SNX25: variants seen among roughly 807,000 people sequenced by gnomAD.
The protein encoded by SNX25 is sorting nexin 25.
SNX25 carries 62 observed loss-of-function variants against 113.7 expected under a neutral mutation model. The observed-to-expected ratio is 0.55, with a 90% CI of 0.44 to 0.67. The LOEUF is 0.67. SNX25 is among the 30% of genes least tolerant of loss of function. SNX25 has a pLI of 0.00. For synonymous variants in SNX25, 421 were observed against 436.2 expected (o/e 0.97, Z 0.43); for missense variants, 1,014 against 1,161.0 (o/e 0.87, Z 1.84).
At chr4:185,350,285 C>G (rs2095308780) in intron 13 of SNX25, among the ~76,000 whole-genome samples, 1 of 152,200 alleles carries the variant, frequency 6.6e-6, no homozygotes, top group African/African-American at 2.4e-5. Context: ...GGAACTAGAC[C>G]TGAACTTCCA....
At chr4:185,327,524 C>T (rs2095164885) in intron 9 of SNX25, among the ~76,000 whole-genome samples, 1 of 152,146 alleles carries the variant, frequency 6.6e-6, no homozygotes, top group African/African-American at 2.4e-5. Flanking sequence ...CAAGAATTTA[C>T]CATATAAGAT....
intron 9 of SNX25, among the ~76,000 whole-genome samples, chr4:185,324,492 C>A (rs1034251111): frequency 6.6e-6 from 1 of 151,168 alleles, no homozygotes; most frequent in Admixed American, 6.7e-5. Context: ...TGGAATGTTT[C>A]TGTGTGGAGG....
chr4:185,207,210 CTTTTT>C (rs34373262), upstream of SNX25, among the ~76,000 whole-genome samples: 2 of 76,814 alleles, frequency 2.6e-5, no homozygotes, highest in Admixed American at 1.8e-4. Flanking sequence ...ACCAGTCACA[CTTTTT>C]TTTTTTTTTT....
intron 8 of SNX25, among the ~76,000 whole-genome samples, chr4:185,322,090 CAT>C (rs528564412): frequency 2.8e-4 from 43 of 152,204 alleles, no homozygotes; most frequent in South Asian, 2.3e-3. Context: ...ATATCTATAA[CAT>C]GTGACATATG....
downstream of SNX25, among the ~76,000 whole-genome samples, chr4:185,368,272 T>A (rs973286872): frequency 2.0e-5 from 3 of 152,210 alleles, no homozygotes; most frequent in Non-Finnish European, 2.9e-5. Flanking sequence ...TAATGCTGGT[T>A]TCACAGAAAC....
rs1737533772 is a variant in SNX25, at chr4:185,210,313, G to A, written c.429+58G>A. On this transcript the variant is annotated intron_variant, in intron 1 of 18. Transcript: ENST00000652585. The surrounding 1 kb of genome is among the most constrained non-coding windows in gnomAD (Gnocchi z 4.4). ...CCGGCCCTCCCCGCTTCCGGTGCCA[G>A]CTCCCGCGCCCCGAGCTCCGGGGGG... 64 of 984,536 alleles carry A rather than the reference G, an allele frequency of 6.5e-5. No individual in the cohort carries two copies. The highest frequency in any genetic ancestry group is 7.5e-5 in the Non-Finnish European group (62 of 829,748). 61.0% of individuals were successfully genotyped at this position (984,536 alleles called of 1,614,324 possible). A position where few individuals can be genotyped will look rare whatever the true frequency, so the allele number is the denominator to read the frequency against.
chr4:185,286,217 T>C (rs562548494), intron 5 of SNX25, among the ~76,000 whole-genome samples: 12 of 152,078 alleles, frequency 7.9e-5, no homozygotes, highest in Admixed American at 3.3e-4. Context: ...CTGGGTTCAA[T>C]TGATCCTTCT....
At chr4:185,357,645 A>C in intron 15 of SNX25, 26 bp from the exon 16 acceptor site, 2 of 1,601,500 alleles carry the variant, frequency 1.2e-6, no homozygotes, top group African/African-American at 1.3e-5. Flanking sequence ...CTGTGATAAA[A>C]AGTTTTCCTC....
At chr4:185,370,713 TAGA>T (rs748373299), downstream of SNX25, 1 of 1,614,088 alleles carries the variant, frequency 6.2e-7, no homozygotes, top group Non-Finnish European at 8.5e-7. Context: ...CCTTGCGTGG[TAGA>T]AGGATGCCAT....
chr4:185,323,434 T>A, intron 8 of SNX25, 94 bp from the exon 9 acceptor site: 1 of 1,287,250 alleles, frequency 7.8e-7, no homozygotes, highest in Non-Finnish European at 1.1e-6. Flanking sequence ...CTTAAATGTC[T>A]TTCTTCTGAC....
At chr4:185,212,531 C>T (rs1377537425) in intron 1 of SNX25, among the ~76,000 whole-genome samples, 10 of 129,874 alleles carry the variant, frequency 7.7e-5, no homozygotes, top group African/African-American at 1.7e-4. Flanking sequence ...TCTGCTCTGT[C>T]GTGCAAGCCA....
At chr4:185,253,276 C>T (rs575940301) in intron 2 of SNX25, among the ~76,000 whole-genome samples, 112 of 152,054 alleles carry the variant, frequency 7.4e-4, no homozygotes, top group Middle Eastern at 3.4e-3. Context: ...TTTTCAAGAC[C>T]TTGGGGATGC....
Position 185,332,820 on chromosome 4 carries a change from C to T in SNX25, c.1914+61C>T, listed in dbSNP as rs186238642. The T allele has an allele frequency of 7.8e-6, 12 of 1,533,168 alleles. No individual in the cohort carries two copies. The South Asian group carries it at 9.7e-5, about 12-fold the overall frequency. 95.0% of individuals were successfully genotyped at this position (1,533,168 alleles called of 1,614,324 possible). A position where few individuals can be genotyped will look rare whatever the true frequency, so the allele number is the denominator to read the frequency against. On this transcript the variant is annotated intron_variant, in intron 10 of 18. Transcript: ENST00000652585. Reference sequence around the variant, plus strand: ...AACATTTGTCTAATTTGGTAGTTTTCAGTTGAGGTTGAGAAGTGTCAGTTT... The same window carrying T: ...AACATTTGTCTAATTTGGTAGTTTTTAGTTGAGGTTGAGAAGTGTCAGTTT...
intron 1 of SNX25, among the ~76,000 whole-genome samples, chr4:185,238,514 CGTT>C (rs1279613448): frequency 4.6e-5 from 7 of 152,028 alleles, no homozygotes; most frequent in African/African-American, 9.7e-5. Flanking sequence ...GGCAGAATAT[CGTT>C]GTTTCGAAAG....
At chr4:185,329,378 A>T (rs1215591673) in intron 9 of SNX25, among the ~76,000 whole-genome samples, 1 of 152,038 alleles carries the variant, frequency 6.6e-6, no homozygotes, top group Non-Finnish European at 1.5e-5. Context: ...GACTGGTGAG[A>T]AGAGGCCGAG....
At chr4:185,309,741 CT>C (rs1278504690) in intron 6 of SNX25, among the ~76,000 whole-genome samples, 23 of 152,224 alleles carry the variant, frequency 1.5e-4, no homozygotes, top group African/African-American at 5.5e-4. Context: ...GGTCTTCTAG[CT>C]GGTCCTCCTC....
At chr4:185,375,900 G>A in the SNX25 span, among the ~76,000 whole-genome samples, 3 of 152,030 alleles carry the variant, frequency 2.0e-5, no homozygotes, top group South Asian at 2.1e-4. Context: ...ATGGTGCTCT[G>A]CCATCCTCAG....
intron 18 of SNX25, 76 bp downstream of exon 18, chr4:185,362,787 C>A: frequency 1.8e-6 from 2 of 1,106,134 alleles, no homozygotes; most frequent in Non-Finnish European, 2.7e-6. Flanking sequence ...AAAACATGTG[C>A]CCCAGTGGCT....
downstream of SNX25, chr4:185,372,994 C>T: frequency 6.2e-7 from 1 of 1,613,976 alleles, no homozygotes; most frequent in Non-Finnish European, 8.5e-7. Flanking sequence ...CTGCCGGATG[C>T]CTTGTCCATA....
Sources: gnomAD v4.1 joint callset for allele counts (sites outside exome capture counted in the v4.1 genomes callset) on GRCh38, gnomAD v4.1.1 for gene constraint, Gnocchi (gnomAD v3.1) non-coding constraint, MANE v1.5 for transcripts, NCBI Gene and HGNC (gene_info 2026-07-23, HGNC 2026-07-21) for gene names.